DCC: variants seen among roughly 807,000 people sequenced by gnomAD.
DCC encodes netrin receptor DCC.
Under a neutral mutation model 172.5 loss-of-function variants are expected in DCC, and 58 were observed. The ratio of observed to expected loss-of-function variants is 0.34; its 90% confidence interval spans 0.27 to 0.42. DCC has a LOEUF of 0.42. Among genes scored for constraint, DCC ranks in the 10% least tolerant of loss-of-function variants. DCC has a pLI of 1.00. For synonymous variants in DCC, 709 were observed against 644.5 expected (o/e 1.10, Z -1.52); for missense variants, 1,740 against 1,791.0 (o/e 0.97, Z 0.51).
intron 3 of DCC, among the ~76,000 whole-genome samples, chr18:52,911,084 C>T (rs1057007001): frequency 6.6e-6 from 1 of 152,078 alleles, no homozygotes; most frequent in Admixed American, 6.6e-5. Context: ...CAAAACTAAT[C>T]TATTTTCTAT....
intron 1 of DCC, among the ~76,000 whole-genome samples, chr18:52,715,522 C>A (rs1165399754): frequency 6.6e-6 from 1 of 152,088 alleles, no homozygotes; most frequent in Admixed American, 6.5e-5. Flanking sequence ...CCAGGCTGGT[C>A]TCAAGCTCCT....
chr18:53,048,067 G>C (rs1052464739), intron 5 of DCC, among the ~76,000 whole-genome samples: 5 of 151,760 alleles, frequency 3.3e-5, no homozygotes, highest in Non-Finnish European at 7.4e-5. Flanking sequence ...TGTTTAAATA[G>C]CCTTTTTCTT....
chr18:53,361,344 CT>C (rs1200747959), intron 15 of DCC, among the ~76,000 whole-genome samples: 26 of 152,146 alleles, frequency 1.7e-4, no homozygotes, highest in Admixed American at 1.4e-3. Context: ...AGTTGTTGGA[CT>C]TTCCCCCCCA....
chr18:52,449,835 C>T (rs1988245708), intron 1 of DCC, among the ~76,000 whole-genome samples: 3 of 152,198 alleles, frequency 2.0e-5, no homozygotes, highest in Non-Finnish European at 4.4e-5. Flanking sequence ...CACATGCGCT[C>T]TTACCTGCCA....
chr18:53,356,692 T>C (rs542738024), intron 15 of DCC, among the ~76,000 whole-genome samples: 83 of 152,282 alleles, frequency 5.5e-4, no homozygotes, highest in African/African-American at 1.7e-3. Flanking sequence ...CTCATACACA[T>C]GCACTGATAA....
chr18:53,466,732 G>T (rs2045626252), intron 24 of DCC, among the ~76,000 whole-genome samples: 1 of 152,028 alleles, frequency 6.6e-6, no homozygotes, highest in South Asian at 2.1e-4. Flanking sequence ...CACCATTTTG[G>T]CCAGGCTGGT....
intron 2 of DCC, among the ~76,000 whole-genome samples, chr18:52,843,135 G>A (rs1055159069): frequency 1.3e-5 from 2 of 152,138 alleles, no homozygotes; most frequent in African/African-American, 2.4e-5. Flanking sequence ...AAAGAAAAGT[G>A]TATAGCAAGA....
At chr18:52,575,869 G>C (rs2033397148) in intron 1 of DCC, among the ~76,000 whole-genome samples, 1 of 152,108 alleles carries the variant, frequency 6.6e-6, no homozygotes, top group Admixed American at 6.5e-5. Context: ...ACCTCATTGA[G>C]GAAAGGTGCT....
At chr18:52,761,924 AAG>A (rs1568086971) in intron 2 of DCC, among the ~76,000 whole-genome samples, 3 of 120,124 alleles carry the variant, frequency 2.5e-5, no homozygotes, top group Non-Finnish European at 4.0e-5. Flanking sequence ...AAAAAAAAAA[AAG>A]AAAAAAAAAA....
chr18:53,352,988 C>T (rs926170624), intron 15 of DCC, among the ~76,000 whole-genome samples: 3 of 152,056 alleles, frequency 2.0e-5, no homozygotes, highest in Middle Eastern at 3.2e-3. Flanking sequence ...AAATACTATA[C>T]CACTTAATAA....
intron 2 of DCC, among the ~76,000 whole-genome samples, chr18:52,792,965 C>A (rs1159484698): frequency 6.6e-6 from 1 of 152,046 alleles, no homozygotes; most frequent in Non-Finnish European, 1.5e-5. Context: ...GAAGTCAGGA[C>A]ACAGACACAT....
intron 1 of DCC, among the ~76,000 whole-genome samples, chr18:52,491,135 T>C (rs1343054084): frequency 6.6e-6 from 1 of 152,096 alleles, no homozygotes; most frequent in Admixed American, 6.6e-5. Context: ...CTTATTTTAC[T>C]AAGTTTTTTC....
chr18:52,462,678 C>T lies in DCC; in HGVS notation c.91+121800C>T, dbSNP rs114795255. Among the ~76,000 whole-genome samples, 1,422 of 152,078 alleles carry T rather than the reference C, an allele frequency of 9.4e-3. 30 individuals carry two copies. Among genetic ancestry groups the T allele is most frequent in the African/African-American group, 0.032 (1,329 of 41,490 alleles). The stretch of plus-strand genomic sequence containing the variant: ...CCATAGGACTCACTACCATGTCATA[C>T]ACCGTCTGTTTGTTTATGTATTATT... On this transcript the variant is annotated intron_variant, in intron 1 of 28. Coordinates refer to ENST00000442544, the MANE Select transcript of DCC (RefSeq NM_005215.4).
At chr18:52,782,621 C>G (rs2037568217) in intron 2 of DCC, among the ~76,000 whole-genome samples, 1 of 152,052 alleles carries the variant, frequency 6.6e-6, no homozygotes, top group African/African-American at 2.4e-5. Flanking sequence ...GGAATCTCAG[C>G]CTTTCTCCAT....
intron 14 of DCC, among the ~76,000 whole-genome samples, chr18:53,329,095 G>A (rs1179615260): frequency 6.6e-6 from 1 of 151,968 alleles, no homozygotes; most frequent in East Asian, 1.9e-4. Flanking sequence ...GATTGAAGAG[G>A]GCGTTTTGTG....
At chr18:52,878,020 A>T (rs1568163592) in intron 2 of DCC, among the ~76,000 whole-genome samples, 1 of 151,288 alleles carries the variant, frequency 6.6e-6, no homozygotes, top group Non-Finnish European at 1.5e-5. Context: ...CTAAATATAA[A>T]CTCTCTTCCC....
intron 7 of DCC, among the ~76,000 whole-genome samples, chr18:53,137,520 TAACTATG>T (rs1459159905): frequency 1.3e-5 from 2 of 152,186 alleles, no homozygotes; most frequent in Admixed American, 1.3e-4. Flanking sequence ...AAATGTTACT[TAACTATG>T]AAGGTAACCA....
In DCC at chr18:52,636,455, T is replaced by C. The variant is rs567237729; in HGVS notation, c.92-115599T>C. The stretch of plus-strand genomic sequence containing the variant: ...CTGGGGCAGGTTTTCAAGCCCATAT[T>C]GCTCTCTGCCTGGGAAAGGTCTGGG... On this transcript the variant is annotated intron_variant, in intron 1 of 28. Coordinates refer to ENST00000442544, the MANE Select transcript of DCC (RefSeq NM_005215.4). Among the ~76,000 whole-genome samples the C allele has an allele frequency of 3.1e-3, 477 of 152,172 alleles. 2 individuals are homozygous for C. The highest frequency in any genetic ancestry group is 0.01 in the African/African-American group (433 of 41,526).
intron 5 of DCC, among the ~76,000 whole-genome samples, chr18:53,020,198 A>G (rs2041860469): frequency 6.6e-6 from 1 of 152,166 alleles, no homozygotes; most frequent in Admixed American, 6.5e-5. Context: ...TGACACTTTC[A>G]AATAAAAAAA....
Sources: gnomAD v4.1 joint callset for allele counts (sites outside exome capture counted in the v4.1 genomes callset) on GRCh38, gnomAD v4.1.1 for gene constraint, MANE v1.5 for transcripts, NCBI Gene and HGNC (gene_info 2026-07-23, HGNC 2026-07-21) for gene names.